CSMD1: variants seen among roughly 807,000 people sequenced by gnomAD.
The protein encoded by CSMD1 is CUB and Sushi multiple domains 1, also known as CUB and sushi domain-containing protein 1.
Under a neutral mutation model 417.5 loss-of-function variants are expected in CSMD1, and 213 were observed. The observed-to-expected ratio is 0.51, with a 90% confidence interval of 0.46 to 0.57. The LOEUF (loss-of-function observed/expected upper bound fraction) is 0.57, where lower values mean the gene tolerates loss of function less well. Among genes scored for constraint, CSMD1 ranks in the 20% least tolerant of loss-of-function variants. CSMD1 has a pLI of 0.00. For synonymous variants in CSMD1, 2,862 were observed against 1,736.8 expected, an observed-to-expected ratio of 1.65 and a Z score of -16.11; for missense variants, 6,923 against 4,529.7, an observed-to-expected ratio of 1.53 and a Z score of -15.17.
At chr8:3,254,360 T>G (rs934388972) in intron 26 of CSMD1, among the ~76,000 whole-genome samples, 1 of 152,164 alleles carries the variant, frequency 6.6e-6, no homozygotes, top group Non-Finnish European at 1.5e-5. Flanking sequence ...GTCTTAGAGT[T>G]ACTCTTCTCG....
At chr8:4,326,410 G>C (rs115206106) in intron 3 of CSMD1, among the ~76,000 whole-genome samples, 3,708 of 152,180 alleles carry the variant, frequency 0.024, 52 homozygotes, top group Middle Eastern at 0.034. Context: ...CAGATAAAAA[G>C]ATGGGAAAAC....
At chr8:3,338,413 G>A (rs1807416060) in intron 23 of CSMD1, among the ~76,000 whole-genome samples, 1 of 152,192 alleles carries the variant, frequency 6.6e-6, no homozygotes, top group South Asian at 2.1e-4. Flanking sequence ...TCAAAACACA[G>A]CTAAGTACAA....
At chr8:4,500,136 G>A (rs1802183169) in intron 2 of CSMD1, among the ~76,000 whole-genome samples, 1 of 151,960 alleles carries the variant, frequency 6.6e-6, no homozygotes, top group South Asian at 2.1e-4. Context: ...TCTCTGAAGA[G>A]GAGAAGTTAT....
At chr8:4,831,689 G>C (rs555913044) in intron 1 of CSMD1, among the ~76,000 whole-genome samples, 1 of 152,138 alleles carries the variant, frequency 6.6e-6, no homozygotes, top group Non-Finnish European at 1.5e-5. Flanking sequence ...CAATGAAATG[G>C]TCAATAAATA....
chr8:3,634,914 G>C lies in CSMD1; in HGVS notation c.1010-18117C>G, dbSNP rs187533176. On this transcript the variant is annotated intron_variant, in intron 7 of 69. Transcript: ENST00000635120. ...GCTGGGCTATAGGGTACAGCCGCTTGCTCCTAGGCTACAAACTCACACCAC... is the reference window on the plus strand; with the variant it reads ...GCTGGGCTATAGGGTACAGCCGCTTCCTCCTAGGCTACAAACTCACACCAC... Among the ~76,000 whole-genome samples the C allele has an allele frequency of 7.1e-3, 1,086 of 152,228 alleles. 5 individuals carry two copies. The highest frequency in any genetic ancestry group is 0.011 in the Non-Finnish European group (771 of 68,022).
rs150713367 is a variant in CSMD1 at position 3,682,240 on chromosome 8, C to G, written c.1009+26174G>C. Among the ~76,000 whole-genome samples the G allele has an allele frequency of 8.1e-3, 1,234 of 152,254 alleles. 13 individuals carry two copies. The highest frequency in any genetic ancestry group is 0.028 in the African/African-American group (1,166 of 41,534). On this transcript the variant is annotated intron_variant, in intron 7 of 69. Coordinates refer to ENST00000635120, the MANE Select transcript of CSMD1 (RefSeq NM_033225.6). ...TCTGCACAGCACAAGAAACTACCAT[C>G]AGAGTGAACAGGCAACCTAAAAAAT...
chr8:4,378,788 C>A (rs1802914308), intron 3 of CSMD1, among the ~76,000 whole-genome samples: 1 of 152,098 alleles, frequency 6.6e-6, no homozygotes, highest in Non-Finnish European at 1.5e-5. Context: ...GATTACTGCC[C>A]TTGTAAGACG....
At chr8:3,945,985 G>A (rs937084314) in intron 5 of CSMD1, among the ~76,000 whole-genome samples, 3 of 152,088 alleles carry the variant, frequency 2.0e-5, no homozygotes, top group African/African-American at 4.8e-5. Flanking sequence ...GTTCCAGACC[G>A]TATTTAAAGC....
At chr8:3,789,049 T>A (rs528271613) in intron 5 of CSMD1, among the ~76,000 whole-genome samples, 2 of 152,320 alleles carry the variant, frequency 1.3e-5, no homozygotes, top group South Asian at 4.2e-4. Context: ...AATGTTTCTG[T>A]CCCTCCAAAA....
Position 4,511,285 on chromosome 8 carries a change from G to A in CSMD1, c.303-91220C>T, listed in dbSNP as rs192575987. Among the ~76,000 whole-genome samples the A allele has an allele frequency of 2.6e-5, 4 of 152,196 alleles. No homozygotes were observed. In the East Asian group the frequency reaches 7.7e-4, roughly 29 times the overall value. ...ATTTCCAGAAATAGTCCCAGGGCTG[G>A]GAGCACTCAGCCTCACCTCATCAAC... On this transcript the variant is annotated intron_variant, in intron 2 of 69. Coordinates refer to ENST00000635120, the MANE Select transcript of CSMD1 (RefSeq NM_033225.6).
In CSMD1 at chr8:3,779,630, C is replaced by T. The variant is rs191279736; in HGVS notation, c.819-25588G>A. Among the ~76,000 whole-genome samples the T allele has an allele frequency of 2.6e-4, 39 of 152,064 alleles. No individual in the cohort carries two copies. In the East Asian group the frequency reaches 3.9e-3, roughly 15 times the overall value. Reference sequence around the variant, plus strand: ...TTTAATAAAATATGGATAATGACAGCGTTAATATTTTAGGTTACATTTATG... The same window carrying T: ...TTTAATAAAATATGGATAATGACAGTGTTAATATTTTAGGTTACATTTATG... On this transcript the variant is annotated intron_variant, in intron 5 of 69. Coordinates refer to ENST00000635120, the MANE Select transcript of CSMD1 (RefSeq NM_033225.6).
intron 52 of CSMD1, among the ~76,000 whole-genome samples, chr8:3,010,576 T>G (rs1292578135): frequency 6.6e-6 from 1 of 152,136 alleles, no homozygotes; most frequent in Non-Finnish European, 1.5e-5. Context: ...GTTGCAGCTC[T>G]TGATTTCTGG....
chr8:3,257,113 G>A (rs1800709593), intron 26 of CSMD1, among the ~76,000 whole-genome samples: 1 of 152,280 alleles, frequency 6.6e-6, no homozygotes. Flanking sequence ...CTTGAGGTCA[G>A]GAGTTTGAGA....
At chr8:3,922,998 C>A (rs2930366) in intron 5 of CSMD1, among the ~76,000 whole-genome samples, 33,309 of 152,020 alleles carry the variant, frequency 0.22, 4,376 homozygotes, top group African/African-American at 0.35. Context: ...TCTCTATTTC[C>A]ATCTATTCTT....
intron 3 of CSMD1, among the ~76,000 whole-genome samples, chr8:4,080,544 G>C (rs17332041): frequency 0.02 from 3,021 of 152,260 alleles, 43 homozygotes; most frequent in Non-Finnish European, 0.028. Flanking sequence ...CCAACACATA[G>C]GTTTCTCCAG....
intron 18 of CSMD1, among the ~76,000 whole-genome samples, chr8:3,378,698 C>A (rs1178488165): frequency 6.6e-6 from 1 of 152,110 alleles, no homozygotes; most frequent in Non-Finnish European, 1.5e-5. Context: ...AACTTCAACA[C>A]CCCTTCATGC....
intron 21 of CSMD1, among the ~76,000 whole-genome samples, chr8:3,357,975 G>A (rs1348267): frequency 0.74 from 112,898 of 151,920 alleles, 42,135 homozygotes; most frequent in Admixed American, 0.8. Context: ...TCTCTGGTTC[G>A]TTAAAATCCA....
intron 10 of CSMD1, among the ~76,000 whole-genome samples, chr8:3,507,372 T>G (rs948911849): frequency 6.6e-6 from 1 of 152,220 alleles, no homozygotes; most frequent in Non-Finnish European, 1.5e-5. Flanking sequence ...ACATGATGTA[T>G]TTGTGCCACA....
chr8:4,051,576 C>T (rs1462943410), intron 3 of CSMD1, among the ~76,000 whole-genome samples: 1 of 152,186 alleles, frequency 6.6e-6, no homozygotes, highest in Non-Finnish European at 1.5e-5. Context: ...AAACCTCTGT[C>T]AACGTCCTCA....
Sources: gnomAD v4.1 joint callset for allele counts (sites outside exome capture counted in the v4.1 genomes callset) on GRCh38, gnomAD v4.1.1 for gene constraint, MANE v1.5 for transcripts, NCBI Gene and HGNC (gene_info 2026-07-23, HGNC 2026-07-21) for gene names.